The following KCTD17 variants were observed in gnomAD, a reference collection of about 807,000 sequenced individuals.
KCTD17 encodes potassium channel tetramerization domain containing 17, also known as BTB/POZ domain-containing protein KCTD17.
Under a neutral mutation model 41.5 loss-of-function variants are expected in KCTD17, and 20 were observed. The ratio of observed to expected loss-of-function variants is 0.48; its 90% CI spans 0.34 to 0.70. KCTD17 has a LOEUF of 0.70. KCTD17 is among the 30% of genes least tolerant of loss of function. The pLI, the probability that KCTD17 is intolerant of heterozygous loss-of-function variation, is 0.01. For missense variants in KCTD17, 317 were observed against 427.2 expected (o/e 0.74, Z 2.27); for synonymous variants, 156 against 173.8 (o/e 0.90, Z 0.80).
At chr22:37,062,462 C>G (rs766521424) in intron 8 of KCTD17, 63 bp from the exon 9 acceptor site, 92 of 1,563,228 alleles carry the variant, frequency 5.9e-5, no homozygotes, top group Non-Finnish European at 7.3e-5. Flanking sequence ...TGCATCACCC[C>G]CTCCTTACCG....
At chr22:37,058,809 G>A (rs1925439159) in intron 4 of KCTD17, among the ~76,000 whole-genome samples, 1 of 152,226 alleles carries the variant, frequency 6.6e-6, no homozygotes, top group South Asian at 2.1e-4. Context: ...GGGACCATTG[G>A]TCATTTGCCC....
intron 1 of KCTD17, chr22:37,052,777 C>T (rs1924650166): frequency 2.3e-5 from 10 of 429,832 alleles, no homozygotes; most frequent in Middle Eastern, 6.8e-4. Context: ...GACAGCCTCT[C>T]AGAGGGACAT....
chr22:37,052,190 C>T (rs1429312602), intron 1 of KCTD17: 1 of 500,394 alleles, frequency 2.0e-6, no homozygotes, highest in African/African-American at 2.0e-5. Context: ...CTCCAGCCGC[C>T]CCGGATCGGG....
intron 3 of KCTD17, among the ~76,000 whole-genome samples, 190 bp from the exon 4 acceptor site, chr22:37,057,208 T>C (rs1468555284): frequency 6.6e-6 from 1 of 152,174 alleles, no homozygotes; most frequent in Admixed American, 6.5e-5. Flanking sequence ...TTAAGTGAGA[T>C]GGTGCCTGGT....
At chr22:37,052,911 A>T (rs1448432438) in intron 1 of KCTD17, among the ~76,000 whole-genome samples, 189 bp from the exon 2 acceptor site, 1 of 152,336 alleles carries the variant, frequency 6.6e-6, no homozygotes, top group East Asian at 1.9e-4. Flanking sequence ...CTAAGGTCAC[A>T]CATTCAGGAA....
In KCTD17 at chr22:37,057,506, CAG is replaced by C. The variant is rs1568984449; in HGVS notation, c.486+14_486+15del. On this transcript the variant is annotated intron_variant, in intron 4 of 8. Coordinates refer to ENST00000403888, the MANE Select transcript of KCTD17 (RefSeq NM_001282684.2). The stretch of plus-strand genomic sequence containing the variant: ...GCGCTTCGAGCAGGTGCGCTGGGGA[CAG>C]GGGCGTGCCACCAGGACAACCCTGG... The C allele has an allele frequency of 6.2e-7, 1 of 1,604,000 alleles. No individual in the cohort carries two copies. The highest frequency in any genetic ancestry group is 8.5e-7 in the Non-Finnish European group (1 of 1,176,938).
At chr22:37,054,023 C>T (rs1193587002) in intron 2 of KCTD17, among the ~76,000 whole-genome samples, 2 of 152,144 alleles carry the variant, frequency 1.3e-5, no homozygotes, top group African/African-American at 4.8e-5. Flanking sequence ...GGTGATCTGC[C>T]TTCTGGAGGG....
Position 37,062,726 on chromosome 22 carries a change from C to T in KCTD17, c.*132C>T. On this transcript the variant is annotated 3_prime_UTR_variant, in exon 9 of 9. Coordinates refer to ENST00000403888, the MANE Select transcript of KCTD17 (RefSeq NM_001282684.2). ...CCTCCAGGGGCGGGGCGGGGCCCCC[C>T]TGGGACCTCTTAAGGCCCAAGGTGG... is the stretch of plus-strand genomic sequence containing the variant. 6 of 1,490,076 alleles carry T rather than the reference C, an allele frequency of 4.0e-6. No homozygotes were observed. The highest frequency in any genetic ancestry group is 4.5e-6 in the Non-Finnish European group (5 of 1,122,350). 92.3% of individuals were successfully genotyped at this position (1,490,076 alleles called of 1,614,324 possible).
At chr22:37,058,799 GGGACCATT>G (rs1925437576) in intron 4 of KCTD17, among the ~76,000 whole-genome samples, 1 of 152,216 alleles carries the variant, frequency 6.6e-6, no homozygotes, top group South Asian at 2.1e-4. Context: ...AAGCAGGCCA[GGGACCATT>G]GGTCATTTGC....
chr22:37,062,665 CTCTG>C lies in KCTD17; in HGVS notation c.*76_*79del. 6.4e-7 allele frequency: 1 copy of C among 1,560,834 alleles called. No individual in the cohort carries two copies. Among genetic ancestry groups the C allele is most frequent in the Non-Finnish European group, 8.7e-7 (1 of 1,152,310 alleles). On this transcript the variant is annotated 3_prime_UTR_variant, in exon 9 of 9. Coordinates refer to ENST00000403888, the MANE Select transcript of KCTD17 (RefSeq NM_001282684.2). ...GAAGAAGCACCCTCTCCCCGGCCTC[CTCTG>C]TCTGCACCCGTGGGGCTGTGACTTA...
Position 37,059,453 on chromosome 22 carries a change from C to T in KCTD17, c.612+15C>T. 6.2e-7 allele frequency: 1 copy of T among 1,602,968 alleles called. No homozygotes were observed. Among genetic ancestry groups the T allele is most frequent in the Non-Finnish European group, 8.5e-7 (1 of 1,176,722 alleles). On this transcript the variant is annotated intron_variant, in intron 5 of 8. Coordinates refer to ENST00000403888, the MANE Select transcript of KCTD17 (RefSeq NM_001282684.2). ...GCAAAACCAAGGTGAGCCCACCCGC[C>T]TCAGCCTGTGTCCGGAGAAGTCTCC...
intron 5 of KCTD17, 183 bp downstream of exon 5, chr22:37,059,621 C>T: frequency 5.5e-6 from 4 of 722,204 alleles, no homozygotes; most frequent in South Asian, 1.9e-5. Flanking sequence ...CAGGCCCAGG[C>T]TGGGAGCAGT....
At chr22:37,062,162 C>A in intron 8 of KCTD17, 8 of 985,388 alleles carry the variant, frequency 8.1e-6, no homozygotes, top group Non-Finnish European at 9.6e-6. Context: ...TGGCTTCTTT[C>A]GCCTGGGGCA....
intron 4 of KCTD17, 118 bp downstream of exon 4, chr22:37,057,611 A>G: frequency 1.4e-6 from 1 of 732,976 alleles, no homozygotes; most frequent in South Asian, 1.6e-5. Flanking sequence ...AGTCTCCCCC[A>G]ACCCCAGGGT....
chr22:37,051,770 G>C lies in KCTD17; in HGVS notation c.10G>C (p.Glu4Gln). The change falls in exon 1 of 9, where the codon GAG (glutamate) becomes CAG (glutamine). Residue 4 changes from glutamate (E) to glutamine (Q), a missense_variant. Around this residue, in one of 4 missense-constraint regions of KCTD17, gnomAD observed 99 missense variants for 166.5 expected, o/e 0.59. Transcript: ENST00000403888. ...GACGCCGCGGCCGGCGATGAGGATG[G>C]AGGCCGGGGAGGCAGCGCCGCCGGC... MRM[E>Q]AGEAAPPAGA... is the part of the protein sequence containing the mutation. 1.6e-6 allele frequency: 2 copies of C among 1,238,138 alleles called. No individual in the cohort carries two copies. The highest frequency in any genetic ancestry group is 6.9e-5 in the South Asian group (2 of 28,930). 76.7% of individuals were successfully genotyped at this position (1,238,138 alleles called of 1,614,324 possible).
intron 1 of KCTD17, 143 bp downstream of exon 1, chr22:37,052,092 A>C: frequency 4.0e-6 from 2 of 504,152 alleles, no homozygotes; most frequent in Non-Finnish European, 5.6e-6. Flanking sequence ...AAGCGGCAGG[A>C]GGAGGGGAGG....
chr22:37,062,674 C>G lies in KCTD17; in HGVS notation c.*80C>G. ...CCCTCTCCCCGGCCTCCTCTGTCTG[C>G]ACCCGTGGGGCTGTGACTTACTCCT... On this transcript the variant is annotated 3_prime_UTR_variant, in exon 9 of 9. Transcript: ENST00000403888. 1 of 1,553,970 alleles carries G rather than the reference C, an allele frequency of 6.4e-7. No individual in the cohort carries two copies. The highest frequency in any genetic ancestry group is 1.2e-5 in the South Asian group (1 of 84,814).
chr22:37,056,287 G>T (rs1246049594), intron 2 of KCTD17, 33 bp from the exon 3 acceptor site: 1 of 1,587,092 alleles, frequency 6.3e-7, no homozygotes, highest in Admixed American at 1.7e-5. Context: ...GGAGGCAGAA[G>T]GAGTGACCTG....
intron 2 of KCTD17, 70 bp from the exon 3 acceptor site, chr22:37,056,249 TG>T: frequency 7.5e-7 from 1 of 1,337,732 alleles, no homozygotes; most frequent in Non-Finnish European, 1.0e-6. Context: ...GGTTTCGGGG[TG>T]GAGGGAACAA....
Sources: gnomAD v4.1 joint callset for allele counts (sites outside exome capture counted in the v4.1 genomes callset) on GRCh38, gnomAD v4.1.1 for gene constraint, gnomAD v4.1.1 regional missense constraint, MANE v1.5 for transcripts, NCBI Gene and HGNC (gene_info 2026-07-23, HGNC 2026-07-21) for gene names.